The following XPO7 variants were observed in gnomAD, a reference collection of about 807,000 sequenced individuals.
XPO7 encodes the protein exportin-7.
A neutral mutation model predicts 144.3 loss-of-function variants in XPO7; 21 were observed. That is an observed-to-expected ratio of 0.15 (90% CI 0.10 to 0.21). The LOEUF is 0.21. Among genes scored for constraint, XPO7 ranks in the 10% least tolerant of loss-of-function variants. The pLI is 1.00. For synonymous variants in XPO7, 580 were observed against 499.6 expected (o/e 1.16, Z -2.15); for missense variants, 808 against 1,325.8 (o/e 0.61, Z 6.06).
At chr8:21,943,731 T>G (rs1483673644) in intron 1 of XPO7, among the ~76,000 whole-genome samples, 2 of 152,200 alleles carry the variant, frequency 1.3e-5, no homozygotes, top group Non-Finnish European at 2.9e-5. Context: ...ATCCTACTAT[T>G]AAGCATTTAT....
chr8:21,922,276 T>C (rs1349653166), intron 1 of XPO7, among the ~76,000 whole-genome samples: 1 of 152,144 alleles, frequency 6.6e-6, no homozygotes, highest in Non-Finnish European at 1.5e-5. Context: ...TCTAAGGATA[T>C]GTATTTTATG....
chr8:21,986,572 C>T (rs1339206875), intron 13 of XPO7, among the ~76,000 whole-genome samples: 1 of 152,188 alleles, frequency 6.6e-6, no homozygotes. Flanking sequence ...AGCATTTTCC[C>T]ACTGGCATTT....
chr8:21,989,159 C>A, intron 16 of XPO7, 76 bp downstream of exon 16: 1 of 1,351,174 alleles, frequency 7.4e-7, no homozygotes, highest in South Asian at 1.3e-5. Context: ...GCCTCCTGCT[C>A]TTTCCACTTC....
intron 17 of XPO7, 151 bp downstream of exon 17, chr8:21,990,558 C>G (rs6557719): frequency 4.4e-6 from 4 of 911,390 alleles, no homozygotes; most frequent in Admixed American, 2.2e-5. Flanking sequence ...ATTATACTTA[C>G]GTCATCAGAG....
chr8:21,997,458 A>C (rs1460329100), intron 21 of XPO7, among the ~76,000 whole-genome samples: 1 of 152,228 alleles, frequency 6.6e-6, no homozygotes, highest in African/African-American at 2.4e-5. Flanking sequence ...AATGACAAGA[A>C]AGATTCTGGT....
chr8:22,003,872 C>T, intron 26 of XPO7, 31 bp from the exon 27 acceptor site: 1 of 1,613,438 alleles, frequency 6.2e-7, no homozygotes, highest in Non-Finnish European at 8.5e-7. Flanking sequence ...CCCTGCTTCT[C>T]TAACCTTCTG....
At chr8:21,987,707 G>C (rs776115376) in intron 14 of XPO7, 77 bp from the exon 15 acceptor site, 15 of 1,496,124 alleles carry the variant, frequency 1.0e-5, no homozygotes, top group African/African-American at 1.4e-5. Context: ...TCTTACCCAT[G>C]AGTGTGGACA....
intron 18 of XPO7, 134 bp downstream of exon 18, chr8:21,991,053 C>T: frequency 2.6e-6 from 2 of 759,432 alleles, no homozygotes; most frequent in South Asian, 3.3e-5. Context: ...GAAATAACAG[C>T]CTGATTTCAC....
At chr8:21,949,315 A>G (rs1811295316) in intron 1 of XPO7, among the ~76,000 whole-genome samples, 1 of 152,206 alleles carries the variant, frequency 6.6e-6, no homozygotes, top group East Asian at 1.9e-4. Flanking sequence ...CAGCCATCAA[A>G]ATACTGCCCC....
chr8:21,984,565 A>C, intron 11 of XPO7, 81 bp from the exon 12 acceptor site: 1 of 1,308,974 alleles, frequency 7.6e-7, no homozygotes, highest in Non-Finnish European at 1.0e-6. Flanking sequence ...TGGCTAAGTG[A>C]AGAAGTCAGA....
chr8:21,927,232 A>G (rs1585413195), intron 1 of XPO7, among the ~76,000 whole-genome samples: 1 of 149,804 alleles, frequency 6.7e-6, no homozygotes, highest in Non-Finnish European at 1.5e-5. Flanking sequence ...TTTAAAAAAA[A>G]TTAATTAATT....
At chr8:21,993,941 G>C (rs369030492) in intron 19 of XPO7, among the ~76,000 whole-genome samples, 13 of 134,358 alleles carry the variant, frequency 9.7e-5, no homozygotes, top group East Asian at 6.2e-4. Context: ...CTCTCTCTCT[G>C]TCTCTCTCTC....
At chr8:21,977,279 A>T (rs999661750) in intron 7 of XPO7, among the ~76,000 whole-genome samples, 4 of 152,154 alleles carry the variant, frequency 2.6e-5, no homozygotes, top group African/African-American at 9.7e-5. Flanking sequence ...CTAAAATAGT[A>T]CTTTCAAAAA....
At position 21,969,469 on chromosome 8, in the gene XPO7, C is replaced by T. The variant is rs1333931506; in HGVS notation, c.166-14C>T. On this transcript the variant is annotated splice_polypyrimidine_tract_variant and intron_variant, in intron 2 of 27. Transcript: ENST00000252512. ...CAATACAATTTTAAGTCCTTTTTCC[C>T]TCTCTTTTCACAGTCCTCTTACTCC... 6.2e-7 allele frequency: 1 copy of T among 1,607,848 alleles called. No individual in the cohort carries two copies. Among genetic ancestry groups the T allele is most frequent in the Admixed American group, 1.7e-5 (1 of 59,238 alleles).
chr8:21,932,584 T>A (rs1585417762), intron 1 of XPO7, among the ~76,000 whole-genome samples: 1 of 151,794 alleles, frequency 6.6e-6, no homozygotes, highest in East Asian at 1.9e-4. Flanking sequence ...GTGTTTTGGG[T>A]TTTCTCATGC....
At chr8:21,988,786 C>T in intron 15 of XPO7, 1 of 544,950 alleles carries the variant, frequency 1.8e-6, no homozygotes, top group East Asian at 3.2e-5. Flanking sequence ...AGCTTTGGAA[C>T]CAAGTAGTGA....
chr8:21,938,683 C>T (rs1437597968), intron 1 of XPO7, among the ~76,000 whole-genome samples: 1 of 151,998 alleles, frequency 6.6e-6, no homozygotes, highest in Non-Finnish European at 1.5e-5. Context: ...GAAAACCAAA[C>T]ATGATGCAGT....
chr8:21,980,310 T>C, intron 9 of XPO7, 107 bp downstream of exon 9: 2 of 1,339,122 alleles, frequency 1.5e-6, no homozygotes, highest in Non-Finnish European at 2.0e-6. Flanking sequence ...CAGTCTGTTC[T>C]TCAGGGAAGA....
rs1236750419 is a variant in XPO7 at position 21,966,399 on chromosome 8, AACT to A, written c.19-451_19-449del. The A allele has an allele frequency of 1.4e-5, 10 of 736,386 alleles. No individual in the cohort carries two copies. In the East Asian group the frequency reaches 1.8e-4, roughly 13 times the overall value. 45.6% of individuals were successfully genotyped at this position (736,386 alleles called of 1,614,324 possible). ...CGCATATACATTATTGTAAGCTAAT[AACT>A]ACTACTCAAAGGAATATTTAAAGCT... is the stretch of plus-strand genomic sequence containing the variant. On this transcript the variant is annotated intron_variant, in intron 1 of 27. Coordinates refer to ENST00000252512, the MANE Select transcript of XPO7 (RefSeq NM_015024.5).
Sources: gnomAD v4.1 joint callset for allele counts (sites outside exome capture counted in the v4.1 genomes callset) on GRCh38, gnomAD v4.1.1 for gene constraint, MANE v1.5 for transcripts, NCBI Gene and HGNC (gene_info 2026-07-23, HGNC 2026-07-21) for gene names.